Variants in N4BP2 observed in about 807,000 individuals in gnomAD.
N4BP2 encodes NEDD4-binding protein 2.
A neutral mutation model predicts 152.8 loss-of-function variants in N4BP2; 91 were observed. The observed-to-expected ratio is 0.60, with a 90% CI of 0.50 to 0.71. The LOEUF is 0.71. N4BP2 is among the 30% of genes least tolerant of loss of function. The pLI is 0.00. For synonymous variants in N4BP2, 646 were observed against 705.3 expected (o/e 0.92, Z 1.33); for missense variants, 1,923 against 2,059.1 (o/e 0.93, Z 1.28).
At chr4:40,092,046 A>ATATATATATT (rs1491152490) in intron 2 of N4BP2, among the ~76,000 whole-genome samples, 2 of 97,466 alleles carry the variant, frequency 2.1e-5, no homozygotes, top group Non-Finnish European at 4.1e-5. Flanking sequence ...ATATATATAT[A>ATATATATATT]GCTGAATTTT....
the N4BP2 span, among the ~76,000 whole-genome samples, chr4:40,184,754 G>C: frequency 6.6e-6 from 1 of 152,054 alleles, no homozygotes; most frequent in African/African-American, 2.4e-5. Context: ...TCAGGAGTTC[G>C]AGACTAGCCT....
In N4BP2 at chr4:40,102,187, T is replaced by C. The variant is rs1234741083; in HGVS notation, c.342T>C (p.Ser114=). 6.2e-7 allele frequency: 1 copy of C among 1,613,878 alleles called. No individual in the cohort carries two copies. ...ASENQVGAAE[S]KIMEKRPEEE... ...AGAACCAAGTAGGTGCAGCAGAAAG[T>C]AAAATAATGGAAAAACGTCCTGAAG... The change falls in exon 4 of 18, where the codon AGT becomes AGC. Residue 114 remains serine, a synonymous_variant. Transcript: ENST00000261435.
At chr4:40,091,203 GC>G (rs1407281152) in intron 2 of N4BP2, among the ~76,000 whole-genome samples, 10 of 151,950 alleles carry the variant, frequency 6.6e-5, no homozygotes, top group Non-Finnish European at 1.3e-4. Context: ...CATGTTATCT[GC>G]AAATAGGGAC....
At chr4:40,163,613 G>A in the N4BP2 span, among the ~76,000 whole-genome samples, 1 of 152,214 alleles carries the variant, frequency 6.6e-6, no homozygotes, top group African/African-American at 2.4e-5. Flanking sequence ...GTGATGTCTG[G>A]AATTGCAGTT....
chr4:40,067,054 CTTTTT>C (rs34768159), intron 1 of N4BP2, among the ~76,000 whole-genome samples: 1 of 91,604 alleles, frequency 1.1e-5, no homozygotes. Context: ...ACCTAATTTC[CTTTTT>C]TTTTTTTTTT....
At chr4:40,109,752 C>A (rs1426217939) in intron 5 of N4BP2, among the ~76,000 whole-genome samples, 2 of 151,730 alleles carry the variant, frequency 1.3e-5, no homozygotes, top group African/African-American at 4.8e-5. Flanking sequence ...GTTCAGCATG[C>A]CCTTATAACA....
At chr4:40,113,023 T>A (rs1394117472) in intron 6 of N4BP2, among the ~76,000 whole-genome samples, 1 of 152,202 alleles carries the variant, frequency 6.6e-6, no homozygotes, top group Non-Finnish European at 1.5e-5. Context: ...TTATCTTCCT[T>A]TCTTAACATT....
At chr4:40,109,444 G>A (rs1028859751) in intron 5 of N4BP2, among the ~76,000 whole-genome samples, 2 of 152,134 alleles carry the variant, frequency 1.3e-5, no homozygotes, top group African/African-American at 2.4e-5. Context: ...TTGGCTGGGC[G>A]CGGTGGCTCA....
intron 1 of N4BP2, among the ~76,000 whole-genome samples, chr4:40,060,906 G>T (rs1578925390): frequency 6.6e-6 from 1 of 152,122 alleles, no homozygotes; most frequent in South Asian, 2.1e-4. Context: ...CGCCTGGCCT[G>T]TTTTTCTAAA....
At chr4:40,132,002 A>C (rs927244786) in intron 13 of N4BP2, 83 bp downstream of exon 13, 1 of 912,908 alleles carries the variant, frequency 1.1e-6, no homozygotes, top group Non-Finnish European at 1.8e-6. Flanking sequence ...GATAACAAAA[A>C]TAATGTAAGT....
intron 7 of N4BP2, among the ~76,000 whole-genome samples, chr4:40,114,712 G>T (rs1717195953): frequency 6.6e-6 from 1 of 152,150 alleles, no homozygotes; most frequent in Non-Finnish European, 1.5e-5. Context: ...TTAGGATCAT[G>T]AAATTAATTG....
Position 40,154,167 on chromosome 4 carries a change from A to G in N4BP2, c.5268-25A>G, listed in dbSNP as rs375807953. 6.6e-5 allele frequency: 104 copies of G among 1,567,060 alleles called. 1 individual carries two copies. The highest frequency in any genetic ancestry group is 8.6e-5 in the Non-Finnish European group (99 of 1,144,810). ...GCTAATTTGAAATTTTCATCTTTAA[A>G]ATAACTCTTTTCTCATTTCTGCAGG... On this transcript the variant is annotated intron_variant, in intron 17 of 17. Transcript: ENST00000261435.
At chr4:40,101,356 C>T (rs1171359926) in intron 3 of N4BP2, among the ~76,000 whole-genome samples, 1 of 152,048 alleles carries the variant, frequency 6.6e-6, no homozygotes, top group Admixed American at 6.6e-5. Flanking sequence ...GATGGGGTTT[C>T]GCCACGTTGG....
Position 40,121,637 on chromosome 4 carries a change from G to A in N4BP2, c.3526G>A (p.Val1176Met), listed in dbSNP as rs1717925240. The A allele has an allele frequency of 2.5e-6, 4 of 1,614,126 alleles. No homozygotes were observed. The South Asian group carries it at 4.4e-5, about 18-fold the overall frequency. ...RGTLENSNSP[V>M]PEFSHGIGIS... Reference sequence around the variant, plus strand: ...AACTTTAGAGAATTCTAATTCTCCTGTGCCAGAGTTTAGCCATGGGATTGG... The same window carrying A: ...AACTTTAGAGAATTCTAATTCTCCTATGCCAGAGTTTAGCCATGGGATTGG... The change falls in exon 9 of 18, where the codon GTG becomes ATG. Residue 1176 changes from valine (V) to methionine (M), a missense_variant. By Grantham distance (21) the Val-to-Met change is conservative. Coordinates refer to ENST00000261435, the MANE Select transcript of N4BP2 (RefSeq NM_018177.6).
In N4BP2 at chr4:40,156,799, G is replaced by A. The variant is rs1240550776; in HGVS notation, c.*2562G>A. Reference sequence around the variant, plus strand: ...TCGAGCACAGACATGATGCTCAAAGGAAATACTCACAGAGCATTTTACATT... The same window carrying A: ...TCGAGCACAGACATGATGCTCAAAGAAAATACTCACAGAGCATTTTACATT... On this transcript the variant is annotated 3_prime_UTR_variant, in exon 18 of 18. Transcript: ENST00000261435. 6.6e-6 allele frequency: 1 copy of A among 152,014 alleles called. No individual in the cohort carries two copies. Among genetic ancestry groups the A allele is most frequent in the East Asian group, 1.9e-4 (1 of 5,194 alleles). 9.4% of individuals were successfully genotyped at this position (152,014 alleles called of 1,614,324 possible).
rs753072349 is a variant in N4BP2 at position 40,154,247 on chromosome 4, C to T, written c.*10C>T. 2.5e-5 allele frequency: 40 copies of T among 1,577,030 alleles called. No homozygotes were observed. Among genetic ancestry groups the T allele is most frequent in the Non-Finnish European group, 3.4e-5 (39 of 1,155,086 alleles). ...AGTCATGCTAAAGTAAAATAAACAT[C>T]CTTGAATTAGAAGTATGAAGGTTTG... On this transcript the variant is annotated 3_prime_UTR_variant, in exon 18 of 18. Transcript: ENST00000261435.
intron 13 of N4BP2, among the ~76,000 whole-genome samples, chr4:40,135,326 A>G (rs1357085987): frequency 6.6e-6 from 1 of 151,012 alleles, no homozygotes; most frequent in Non-Finnish European, 1.5e-5. Context: ...TATGTGCCAC[A>G]TTTTCTTAAT....
intron 14 of N4BP2, among the ~76,000 whole-genome samples, chr4:40,139,818 A>ATT (rs1416299298): frequency 6.2e-5 from 6 of 97,056 alleles, no homozygotes; most frequent in South Asian, 3.1e-4. Context: ...TTTTTTTTAC[A>ATT]TTTTTTTTTC....
chr4:40,177,065 T>A, the N4BP2 span, among the ~76,000 whole-genome samples: 1 of 152,008 alleles, frequency 6.6e-6, no homozygotes, highest in African/African-American at 2.4e-5. Flanking sequence ...CAACCAAGAG[T>A]ATTTTTGCAG....
Sources: allele counts gnomAD v4.1 joint callset (sites outside exome capture counted in the v4.1 genomes callset), GRCh38; gene constraint gnomAD v4.1.1; transcripts MANE v1.5; gene names NCBI Gene and HGNC (gene_info 2026-07-23, HGNC 2026-07-21).